Variants in CFAP299 observed in about 807,000 individuals in gnomAD.
The protein encoded by CFAP299 is cilia and flagella associated protein 299.
In CFAP299, 21 loss-of-function variants were observed where a neutral mutation model predicts 27.0. That is an observed-to-expected ratio of 0.78 (90% confidence interval 0.55 to 1.12). CFAP299 has a LOEUF of 1.12. CFAP299 is among the 50% of genes most tolerant of loss of function. The pLI is 0.00. For missense variants in CFAP299, 310 were observed against 276.6 expected, an observed-to-expected ratio of 1.12 and a Z score of -0.86; for synonymous variants, 104 against 98.1, an observed-to-expected ratio of 1.06 and a Z score of -0.36.
At chr4:80,397,516 T>G (rs1725869922) in intron 2 of CFAP299, among the ~76,000 whole-genome samples, 1 of 152,202 alleles carries the variant, frequency 6.6e-6, no homozygotes, top group Non-Finnish European at 1.5e-5. Context: ...CTTGTGGGTA[T>G]CTAAGCTATA....
intron 3 of CFAP299, among the ~76,000 whole-genome samples, chr4:80,680,513 A>G (rs1344038893): frequency 6.6e-6 from 1 of 152,164 alleles, no homozygotes; most frequent in Non-Finnish European, 1.5e-5. Context: ...TTTTGTAACA[A>G]GGGCAATATC....
intron 3 of CFAP299, among the ~76,000 whole-genome samples, chr4:80,607,021 A>G (rs1737712736): frequency 6.6e-6 from 1 of 152,178 alleles, no homozygotes; most frequent in Admixed American, 6.5e-5. Context: ...GGAGAGAGGA[A>G]GGAAGAAGAA....
chr4:80,894,277 G>A lies in CFAP299; in HGVS notation c.476+24142G>A, dbSNP rs143639303. Among the ~76,000 whole-genome samples the A allele has an allele frequency of 4.0e-3, 614 of 152,034 alleles. 1 individual carries two copies. Among genetic ancestry groups the A allele is most frequent in the Middle Eastern group, 0.014 (4 of 294 alleles). On this transcript the variant is annotated intron_variant, in intron 4 of 5. Coordinates refer to ENST00000358105, the MANE Select transcript of CFAP299 (RefSeq NM_152770.3). ...GTACATTATGAAGGCTAAACCTAGA[G>A]TCAGTTTCTTTGTTCCCCCCAGAGA...
At chr4:80,711,225 A>C (rs1722148647) in intron 3 of CFAP299, among the ~76,000 whole-genome samples, 1 of 152,170 alleles carries the variant, frequency 6.6e-6, no homozygotes, top group South Asian at 2.1e-4. Context: ...AGCAGGGGAG[A>C]GCCGGCTGTT....
chr4:80,608,945 G>T (rs957226364), intron 3 of CFAP299, among the ~76,000 whole-genome samples: 2 of 151,660 alleles, frequency 1.3e-5, no homozygotes, highest in South Asian at 4.2e-4. Flanking sequence ...GAAAATGTTA[G>T]ATGAAAACAT....
At chr4:80,582,619 A>T (rs1736228231) in intron 2 of CFAP299, among the ~76,000 whole-genome samples, 1 of 152,008 alleles carries the variant, frequency 6.6e-6, no homozygotes, top group African/African-American at 2.4e-5. Context: ...TCTGACAAAG[A>T]TAGGTCAACC....
intron 3 of CFAP299, among the ~76,000 whole-genome samples, chr4:80,690,660 A>T (rs1294681747): frequency 1.3e-5 from 2 of 152,238 alleles, no homozygotes; most frequent in Non-Finnish European, 2.9e-5. Context: ...AAACACATTC[A>T]AAAGCTAACA....
intron 3 of CFAP299, among the ~76,000 whole-genome samples, chr4:80,729,093 C>T (rs562664989): frequency 6.6e-6 from 1 of 152,294 alleles, no homozygotes; most frequent in Non-Finnish European, 1.5e-5. Context: ...GTATCTGTCG[C>T]TCTGGGTCTG....
chr4:80,735,506 G>A (rs1227002170), intron 3 of CFAP299, among the ~76,000 whole-genome samples: 1 of 152,054 alleles, frequency 6.6e-6, no homozygotes, highest in East Asian at 1.9e-4. Context: ...GAGCATCCTT[G>A]TCGTGTTCCA....
At chr4:80,899,382 A>G (rs1342984147) in intron 4 of CFAP299, among the ~76,000 whole-genome samples, 1 of 152,242 alleles carries the variant, frequency 6.6e-6, no homozygotes, top group Non-Finnish European at 1.5e-5. Context: ...AGTAGAGAAG[A>G]GATGAGATGT....
At chr4:80,371,262 T>C (rs1724136838) in intron 2 of CFAP299, among the ~76,000 whole-genome samples, 1 of 152,144 alleles carries the variant, frequency 6.6e-6, no homozygotes, top group Non-Finnish European at 1.5e-5. Flanking sequence ...GCTTAACACA[T>C]AAAATTGTTC....
chr4:80,390,878 T>TATATATGTTTATACACACATATGC (rs1560543908), intron 2 of CFAP299, among the ~76,000 whole-genome samples: 1 of 66,704 alleles, frequency 1.5e-5, no homozygotes, highest in African/African-American at 4.2e-5. Context: ...CACATATATG[T>TATATATGTTTATACACACATATGC]ATATATGTAT....
At position 80,495,056 on chromosome 4, in the gene CFAP299, A is replaced by G. The variant is rs181681424; in HGVS notation, c.243-88037A>G. ...AAGAAAGATATATAACCATTTCACT[A>G]CATCTGTTTTAAAAGAAATCACAGT... is the stretch of plus-strand genomic sequence containing the variant. On this transcript the variant is annotated intron_variant, in intron 2 of 5. Transcript: ENST00000358105. Among the ~76,000 whole-genome samples, 13 of 152,350 alleles carry G rather than the reference A, an allele frequency of 8.5e-5. No homozygotes were observed. In the East Asian group the frequency reaches 2.5e-3, roughly 29 times the overall value.
At chr4:80,590,105 C>CA (rs1158373432) in intron 3 of CFAP299, among the ~76,000 whole-genome samples, 5 of 151,834 alleles carry the variant, frequency 3.3e-5, no homozygotes, top group Non-Finnish European at 5.9e-5. Context: ...GGAATTAATG[C>CA]AAAAAATATA....
intron 2 of CFAP299, among the ~76,000 whole-genome samples, chr4:80,396,356 C>T (rs893476711): frequency 7.9e-5 from 12 of 152,052 alleles, no homozygotes; most frequent in Admixed American, 2.0e-4. Flanking sequence ...TATACCATAA[C>T]AGCAAACACC....
intron 3 of CFAP299, among the ~76,000 whole-genome samples, chr4:80,775,902 C>G (rs1726510193): frequency 6.6e-6 from 1 of 152,060 alleles, no homozygotes; most frequent in East Asian, 1.9e-4. Context: ...CCAACTGAAT[C>G]AACAAAATAA....
chr4:80,597,713 A>G (rs914856296), intron 3 of CFAP299, among the ~76,000 whole-genome samples: 1 of 151,790 alleles, frequency 6.6e-6, no homozygotes, highest in Non-Finnish European at 1.5e-5. Context: ...TTAAAGATGG[A>G]GTATTGCTCT....
chr4:80,343,676 C>T (rs1336014721), intron 1 of CFAP299, among the ~76,000 whole-genome samples: 28 of 151,782 alleles, frequency 1.8e-4, no homozygotes, highest in Admixed American at 1.8e-3. Flanking sequence ...GTAGTCCCAG[C>T]TACTCGGGAG....
chr4:80,823,517 A>G (rs1038405001), intron 3 of CFAP299, among the ~76,000 whole-genome samples: 1 of 152,138 alleles, frequency 6.6e-6, no homozygotes, highest in African/African-American at 2.4e-5. Context: ...TTTCATATTC[A>G]TCTGTATACT....
Sources: allele counts gnomAD v4.1 joint callset (sites outside exome capture counted in the v4.1 genomes callset), GRCh38; gene constraint gnomAD v4.1.1; transcripts MANE v1.5; gene names NCBI Gene and HGNC (gene_info 2026-07-23, HGNC 2026-07-21).